MBD5: variants seen among roughly 807,000 people sequenced by gnomAD.
MBD5 encodes methyl-CpG binding domain protein 5.
In MBD5, 13 loss-of-function variants were observed where a neutral mutation model predicts 117.3. The observed-to-expected ratio is 0.11, with a 90% confidence interval of 0.07 to 0.18. The LOEUF (loss-of-function observed/expected upper bound fraction) is 0.18, where lower values mean the gene tolerates loss of function less well. Ranked by LOEUF, MBD5 falls within the 10% of genes least tolerant of loss-of-function variation. The pLI, the probability that MBD5 is intolerant of heterozygous loss-of-function variation, is 1.00. For synonymous variants in MBD5, 727 were observed against 766.4 expected, an observed-to-expected ratio of 0.95 and a Z score of 0.85; for missense variants, 1,879 against 2,093.8, an observed-to-expected ratio of 0.90 and a Z score of 2.00.
chr2:148,367,292 G>A (rs998655684), intron 4 of MBD5, among the ~76,000 whole-genome samples: 4 of 152,088 alleles, frequency 2.6e-5, no homozygotes, highest in Middle Eastern at 3.2e-3. Context: ...AACAGAAACT[G>A]GACCCCTTCC....
At chr2:148,305,359 A>T (rs1341315391) in intron 3 of MBD5, among the ~76,000 whole-genome samples, 1 of 152,158 alleles carries the variant, frequency 6.6e-6, no homozygotes, top group African/African-American at 2.4e-5. Context: ...TTGGTAGAGG[A>T]TGTCTGCCGG....
intron 4 of MBD5, among the ~76,000 whole-genome samples, chr2:148,375,462 C>G (rs1323988113): frequency 1.3e-5 from 2 of 152,178 alleles, no homozygotes; most frequent in Non-Finnish European, 2.9e-5. Context: ...CTCTCATCCC[C>G]AAGGAACCTG....
intron 4 of MBD5, among the ~76,000 whole-genome samples, chr2:148,353,901 T>C (rs17355834): frequency 0.048 from 7,232 of 152,156 alleles, 243 homozygotes; most frequent in Non-Finnish European, 0.075. Context: ...TTTATCTCTA[T>C]TTTTAGTTTC....
chr2:148,128,760 T>G (rs1026515796), intron 1 of MBD5, among the ~76,000 whole-genome samples: 20 of 152,318 alleles, frequency 1.3e-4, no homozygotes, highest in South Asian at 6.2e-4. Flanking sequence ...GAGCCACTCT[T>G]TAAGTGTCTG....
chr2:148,078,516 T>C (rs921668353), intron 1 of MBD5, among the ~76,000 whole-genome samples: 2 of 152,226 alleles, frequency 1.3e-5, no homozygotes, highest in Admixed American at 6.5e-5. Flanking sequence ...TATGTAATTC[T>C]GAGATTATCA....
At chr2:148,356,235 T>G (rs563329716) in intron 4 of MBD5, among the ~76,000 whole-genome samples, 1 of 152,246 alleles carries the variant, frequency 6.6e-6, no homozygotes, top group East Asian at 1.9e-4. Flanking sequence ...GATGACAATT[T>G]AATCCCTCTT....
chr2:148,059,775 G>A (rs1234427), intron 1 of MBD5, among the ~76,000 whole-genome samples: 12,719 of 151,818 alleles, frequency 0.084, 603 homozygotes, highest in South Asian at 0.14. Flanking sequence ...GAACCCGGGA[G>A]GCGGAGCTTG....
intron 1 of MBD5, among the ~76,000 whole-genome samples, chr2:148,124,432 G>A (rs546392990): frequency 6.6e-6 from 1 of 152,138 alleles, no homozygotes; most frequent in South Asian, 2.1e-4. Context: ...TAAAAAGTTA[G>A]CCGGGCATGG....
chr2:148,412,029 A>G (rs2105186983), intron 4 of MBD5, among the ~76,000 whole-genome samples: 1 of 152,128 alleles, frequency 6.6e-6, no homozygotes, highest in East Asian at 1.9e-4. Flanking sequence ...TTGTTTTTCT[A>G]TATGGTATAA....
In MBD5 at chr2:148,389,053, C is replaced by T. The variant is rs1043514420; in HGVS notation, c.-557+46717C>T. 6.6e-5 allele frequency among the ~76,000 whole-genome samples: 10 copies of T among 151,034 alleles called. No homozygotes were observed. In the East Asian group the frequency reaches 9.8e-4, roughly 15 times the overall value. On this transcript the variant is annotated intron_variant, in intron 4 of 13. Transcript: ENST00000642680. Reference sequence around the variant, plus strand: ...TTTATGTCCCATTGTTGAGCTCCCACATTTAAGTGTGAACATGCAATATTT... The same window carrying T: ...TTTATGTCCCATTGTTGAGCTCCCATATTTAAGTGTGAACATGCAATATTT...
chr2:148,379,945 A>G (rs1454192849), intron 4 of MBD5, among the ~76,000 whole-genome samples: 5 of 152,212 alleles, frequency 3.3e-5, no homozygotes, highest in African/African-American at 1.2e-4. Context: ...GAAGTGGCAC[A>G]AACAGAAAGC....
At chr2:148,026,269 A>G (rs1192158029) in intron 1 of MBD5, 1 of 152,206 alleles carries the variant, frequency 6.6e-6, no homozygotes, top group Non-Finnish European at 1.5e-5. Flanking sequence ...CAGTCACAGT[A>G]GAGTTTTTAT....
chr2:148,341,603 A>G (rs1323779812), intron 3 of MBD5, among the ~76,000 whole-genome samples: 1 of 151,960 alleles, frequency 6.6e-6, no homozygotes, highest in African/African-American at 2.4e-5. Context: ...TTTAACTTAA[A>G]AGGTTTGGAG....
At chr2:148,211,496 C>T (rs1558974252) in intron 2 of MBD5, among the ~76,000 whole-genome samples, 2 of 152,174 alleles carry the variant, frequency 1.3e-5, no homozygotes, top group South Asian at 2.1e-4. Context: ...GGAATAAGCA[C>T]ACTGTGGCCC....
chr2:148,317,817 C>T (rs1162608257), intron 3 of MBD5, among the ~76,000 whole-genome samples: 1 of 152,164 alleles, frequency 6.6e-6, no homozygotes, highest in Non-Finnish European at 1.5e-5. Context: ...GAGTAGTATT[C>T]CATGGCATAT....
At chr2:148,120,832 G>A (rs542139572) in intron 1 of MBD5, among the ~76,000 whole-genome samples, 3 of 152,260 alleles carry the variant, frequency 2.0e-5, no homozygotes, top group East Asian at 1.9e-4. Flanking sequence ...TACAGACAGT[G>A]AAAGTCTTGT....
In MBD5 at chr2:148,149,181, T is replaced by C. The variant is rs1473760869; in HGVS notation, c.-924-29519T>C. Reference sequence around the variant, plus strand: ...TTCAATTCCCACCTATGAGTGAGAATATGCGGTGTTTGGTTTTTTGTTCTT... The same window carrying C: ...TTCAATTCCCACCTATGAGTGAGAACATGCGGTGTTTGGTTTTTTGTTCTT... On this transcript the variant is annotated intron_variant, in intron 1 of 13. Transcript: ENST00000642680. Among the ~76,000 whole-genome samples the C allele has an allele frequency of 4.2e-5, 6 of 143,606 alleles. No homozygotes were observed. In the East Asian group the frequency reaches 1.2e-3, roughly 29 times the overall value. The allele number at this position is 143,606 out of a possible 152,430, so 94.2% of individuals were successfully genotyped here.
chr2:148,053,386 T>C (rs1694773422), intron 1 of MBD5, among the ~76,000 whole-genome samples: 1 of 152,102 alleles, frequency 6.6e-6, no homozygotes, highest in Non-Finnish European at 1.5e-5. Flanking sequence ...ATACACAACA[T>C]GGTAAATTTT....
intron 4 of MBD5, among the ~76,000 whole-genome samples, chr2:148,409,258 C>T (rs900844030): frequency 6.6e-6 from 1 of 151,732 alleles, no homozygotes; most frequent in Non-Finnish European, 1.5e-5. Flanking sequence ...CGTTATGGCA[C>T]GTGCCTGTAG....
Sources: allele counts gnomAD v4.1 joint callset (sites outside exome capture counted in the v4.1 genomes callset), GRCh38; gene constraint gnomAD v4.1.1; transcripts MANE v1.5; gene names NCBI Gene and HGNC (gene_info 2026-07-23, HGNC 2026-07-21).